The following EPS15L1 variants were observed in gnomAD, a reference collection of about 807,000 sequenced individuals.
EPS15L1 encodes epidermal growth factor receptor substrate 15-like 1.
EPS15L1 carries 43 observed loss-of-function variants against 117.1 expected under a neutral mutation model. That is an observed-to-expected ratio of 0.37 (90% CI 0.29 to 0.47). The LOEUF is 0.47. EPS15L1 is among the 20% of genes least tolerant of loss of function. The pLI is 0.99. For synonymous variants in EPS15L1, 459 were observed against 470.5 expected (o/e 0.98, Z 0.32); for missense variants, 981 against 1,164.0 (o/e 0.84, Z 2.29).
chr19:16,460,284 TA>T (rs1177414544), intron 1 of EPS15L1, among the ~76,000 whole-genome samples: 1 of 151,728 alleles, frequency 6.6e-6, no homozygotes, highest in African/African-American at 2.4e-5. Context: ...TCTCTAAAAA[TA>T]AAAAAAGAAC....
chr19:16,461,149 CAAA>C (rs1319313995), intron 1 of EPS15L1, among the ~76,000 whole-genome samples: 1 of 151,334 alleles, frequency 6.6e-6, no homozygotes, highest in Non-Finnish European at 1.5e-5. Context: ...ACTAAAAATA[CAAA>C]AATTAGCCGG....
intron 6 of EPS15L1, chr19:16,434,717 CAGG>C (rs894606194): frequency 2.3e-6 from 1 of 435,318 alleles, no homozygotes; most frequent in Non-Finnish European, 4.1e-6. Context: ...CCAAGGTCCT[CAGG>C]AGGGAGGCCC....
chr19:16,393,667 A>T (rs371236950), intron 18 of EPS15L1, among the ~76,000 whole-genome samples: 10 of 145,494 alleles, frequency 6.9e-5, no homozygotes, highest in Admixed American at 3.4e-4. Flanking sequence ...AAAAAATAAA[A>T]AATAAATAAA....
chr19:16,369,815 T>A (rs559177133), intron 22 of EPS15L1, among the ~76,000 whole-genome samples: 26 of 152,298 alleles, frequency 1.7e-4, no homozygotes, highest in South Asian at 6.2e-4. Flanking sequence ...CTTTGAAAAT[T>A]CGCATTTGTT....
At chr19:16,417,508 C>A (rs375249009) in intron 12 of EPS15L1, 44 bp downstream of exon 12, 4 of 1,495,182 alleles carry the variant, frequency 2.7e-6, no homozygotes, top group Non-Finnish European at 3.7e-6. Flanking sequence ...TGGGAGAGTT[C>A]GTGTAACATC....
chr19:16,427,687 C>T (rs2092885379), intron 8 of EPS15L1, among the ~76,000 whole-genome samples: 1 of 151,128 alleles, frequency 6.6e-6, no homozygotes, highest in Admixed American at 6.6e-5. Context: ...AGGCCAGGAA[C>T]TCAAGACCAG....
At chr19:16,398,269 A>G (rs1390992977) in intron 16 of EPS15L1, among the ~76,000 whole-genome samples, 1 of 152,200 alleles carries the variant, frequency 6.6e-6, no homozygotes, top group Non-Finnish European at 1.5e-5. Flanking sequence ...TGAACATGGA[A>G]TGGTTTTTCT....
chr19:16,429,496 T>G (rs535939406), intron 7 of EPS15L1, among the ~76,000 whole-genome samples: 1 of 152,302 alleles, frequency 6.6e-6, no homozygotes, highest in South Asian at 2.1e-4. Flanking sequence ...CACCAGGGCT[T>G]CAGTCCATGC....
At chr19:16,447,454 T>C (rs1184705897) in intron 1 of EPS15L1, among the ~76,000 whole-genome samples, 1 of 152,100 alleles carries the variant, frequency 6.6e-6, no homozygotes, top group East Asian at 1.9e-4. Context: ...ATGTTCCATC[T>C]CACTAGTAAT....
In EPS15L1 at chr19:16,360,214, T is replaced by C. The variant is rs192247787; in HGVS notation, c.2586+1565A>G. Among the ~76,000 whole-genome samples the C allele has an allele frequency of 1.4e-4, 22 of 152,220 alleles. 1 individual carries two copies. The highest frequency in any genetic ancestry group is 5.9e-4 in the Admixed American group (9 of 15,286). The stretch of plus-strand genomic sequence containing the variant: ...TAACTCTTCCCTACCCAAGACAGAG[T>C]ACCTGAGTCATGTGTGAAGAGTTCT... On this transcript the variant is annotated intron_variant, in intron 23 of 23. Transcript: ENST00000455140.
rs2145033536 is a variant in EPS15L1 at position 16,434,449 on chromosome 19, G to C, written c.414C>G (p.Leu138=). Residue 138 remains leucine, a synonymous_variant, in exon 7 of 24, where the codon CTC becomes CTG. Transcript: ENST00000455140. The part of the protein sequence containing the change: ...KAKFDGIFES[L]LPINGLLSGD... ...CAGAGAGCAAACCATTGATGGGCAA[G>C]AGGCTTTCAAAAATCCCATCAAATT... 6.2e-7 allele frequency: 1 copy of C among 1,614,116 alleles called. No individual in the cohort carries two copies. The highest frequency in any genetic ancestry group is 1.3e-5 in the African/African-American group (1 of 75,024).
chr19:16,424,193 A>T (rs1178871987), intron 9 of EPS15L1, among the ~76,000 whole-genome samples: 1 of 152,206 alleles, frequency 6.6e-6, no homozygotes, highest in African/African-American at 2.4e-5. Context: ...GGAGGCCCAG[A>T]CAAGAGCATT....
chr19:16,358,756 A>T (rs1441202534), intron 23 of EPS15L1, among the ~76,000 whole-genome samples: 3 of 152,230 alleles, frequency 2.0e-5, no homozygotes, highest in African/African-American at 7.2e-5. Context: ...CATGTGCAGG[A>T]CATGCCTAGC....
chr19:16,365,947 G>C lies in EPS15L1; in HGVS notation c.2381-3963C>G, dbSNP rs183081614. 1.3e-5 allele frequency among the ~76,000 whole-genome samples: 2 copies of C among 152,280 alleles called. No homozygotes were observed. Among genetic ancestry groups the C allele is most frequent in the African/African-American group, 4.8e-5 (2 of 41,556 alleles). On this transcript the variant is annotated intron_variant, in intron 22 of 23. Transcript: ENST00000455140. This position sits in a 1 kb window ranked among gnomAD's most constrained non-coding sequence, Gnocchi z 4.9. ...ATTCCACGGGTCTCCAGGGACCTGG[G>C]GCCCTTTGGAGCAACACCCTGGGGA...
intron 15 of EPS15L1, among the ~76,000 whole-genome samples, chr19:16,402,850 G>T (rs907265546): frequency 6.6e-6 from 1 of 152,162 alleles, no homozygotes; most frequent in African/African-American, 2.4e-5. Flanking sequence ...CTCCTAAAGT[G>T]CTGGGATGAC....
intron 21 of EPS15L1, among the ~76,000 whole-genome samples, chr19:16,378,888 A>C (rs1326130377): frequency 6.6e-6 from 1 of 152,242 alleles, no homozygotes; most frequent in Non-Finnish European, 1.5e-5. Context: ...AAATAACTAC[A>C]TTTTTACTAA....
At position 16,355,620 on chromosome 19, in the gene EPS15L1, G is replaced by GGT. The variant is rs369548061; in HGVS notation, c.*83_*84dup. The GGT allele has an allele frequency of 1.5e-4, 210 of 1,403,926 alleles. No homozygotes were observed. In the African/African-American group the frequency reaches 2.2e-3, roughly 15 times the overall value. The allele number at this position is 1,403,926 out of a possible 1,614,324, so 87.0% of individuals were successfully genotyped here. On this transcript the variant is annotated 3_prime_UTR_variant, in exon 24 of 24. Coordinates refer to ENST00000455140, the MANE Select transcript of EPS15L1 (RefSeq NM_001258374.3). ...CCGGTCCTTGGAGTACGGTGGCGAC[G>GGT]GTGTGTGTGTGTATATATAGACATC...
chr19:16,362,048 A>G, intron 22 of EPS15L1, 64 bp from the exon 23 acceptor site: 1 of 1,468,066 alleles, frequency 6.8e-7, no homozygotes, highest in East Asian at 2.3e-5. Context: ...ACCCGGACAG[A>G]GCAGAATGCT....
intron 1 of EPS15L1, among the ~76,000 whole-genome samples, chr19:16,463,312 C>T (rs1180802528): frequency 6.6e-6 from 1 of 152,170 alleles, no homozygotes; most frequent in Non-Finnish European, 1.5e-5. Flanking sequence ...GACACTATGC[C>T]TGCTTCTTCC....
Sources: gnomAD v4.1 joint callset for allele counts (sites outside exome capture counted in the v4.1 genomes callset) on GRCh38, gnomAD v4.1.1 for gene constraint, Gnocchi (gnomAD v3.1) non-coding constraint, MANE v1.5 for transcripts, NCBI Gene and HGNC (gene_info 2026-07-23, HGNC 2026-07-21) for gene names.